Variants in RTP2 observed in about 807,000 individuals in gnomAD.
RTP2 encodes the protein receptor-transporting protein 2.
A neutral mutation model predicts 17.9 loss-of-function variants in RTP2; 12 were observed. That is an observed-to-expected ratio of 0.67 (90% CI 0.43 to 1.09). The LOEUF is 1.09. Among genes scored for constraint, RTP2 ranks in the 50% least tolerant of loss-of-function variants. The pLI is 0.00. For synonymous variants in RTP2, 126 were observed against 117.7 expected (o/e 1.07, Z -0.46); for missense variants, 327 against 295.7 (o/e 1.11, Z -0.78).
chr3:187,715,616 T>C, the RTP2 span: 1 of 456,198 alleles, frequency 2.2e-6, no homozygotes, highest in South Asian at 1.6e-5. Flanking sequence ...CTTTCCTTTA[T>C]GATAGAGTTG....
upstream of RTP2, among the ~76,000 whole-genome samples, chr3:187,705,993 A>C (rs1717982166): frequency 6.6e-6 from 1 of 152,252 alleles, no homozygotes; most frequent in African/African-American, 2.4e-5. Context: ...TAAACAGACC[A>C]CTTAGCTCTG....
upstream of RTP2, among the ~76,000 whole-genome samples, chr3:187,702,792 G>T (rs1717887729): frequency 6.6e-6 from 1 of 152,216 alleles, no homozygotes; most frequent in South Asian, 2.1e-4. Context: ...TAGTACTATT[G>T]TGCTCCTAAC....
chr3:187,710,342 C>A, the RTP2 span, among the ~76,000 whole-genome samples: 1 of 148,300 alleles, frequency 6.7e-6, no homozygotes, highest in South Asian at 2.1e-4. Context: ...ATCACATGAG[C>A]GAATTCCTCA....
exon 1 of RTP2, chr3:187,702,109 G>A (rs746439755): frequency 1.2e-5 from 20 of 1,611,390 alleles, no homozygotes; most frequent in Admixed American, 1.7e-5. Context: ...CCACTCACAA[G>A]TGGTCAAGCT....
chr3:187,698,813 G>A, exon 2 of RTP2: 1 of 1,613,230 alleles, frequency 6.2e-7, no homozygotes, highest in East Asian at 2.2e-5. Flanking sequence ...GGCTGGTGAT[G>A]AGGTTGTCCA....
chr3:187,698,371 T>C, exon 2 of RTP2: 1 of 761,844 alleles, frequency 1.3e-6, no homozygotes, highest in Non-Finnish European at 2.1e-6. Context: ...CGCAGATGCA[T>C]TAACTGAGGC....
chr3:187,707,219 G>A (rs1162828422), upstream of RTP2, among the ~76,000 whole-genome samples: 2 of 152,132 alleles, frequency 1.3e-5, no homozygotes, highest in African/African-American at 4.8e-5. Context: ...TTCCTTTTAT[G>A]AGCTACCCTC....
At chr3:187,710,173 A>C in the RTP2 span, among the ~76,000 whole-genome samples, 2 of 152,086 alleles carry the variant, frequency 1.3e-5, no homozygotes, top group East Asian at 3.9e-4. Flanking sequence ...TGAGACATTG[A>C]TCTCCTCCTG....
At position 187,699,012 on chromosome 3, in the gene RTP2, C is replaced by T. The variant is rs1361677236; in HGVS notation, c.165-1G>A. On this transcript the variant is annotated splice_acceptor_variant, in intron 1 of 1. Transcript: ENST00000358241. LOFTEE classifies it high-confidence loss of function. ...GTGCCAGCACCAGGAGCAGTGGAAC[C>T]TGCCGGGAGGAGAAGGAGGGGTGGA... 1 of 1,577,028 alleles carries T rather than the reference C, an allele frequency of 6.3e-7. No homozygotes were observed. The highest frequency in any genetic ancestry group is 1.7e-5 in the Admixed American group (1 of 58,468).
At chr3:187,706,483 A>C (rs2108544990), upstream of RTP2, among the ~76,000 whole-genome samples, 1 of 152,392 alleles carries the variant, frequency 6.6e-6, no homozygotes, top group South Asian at 2.1e-4. Context: ...TCCCTTGATT[A>C]GTGAAACAAG....
chr3:187,701,555 T>G (rs1717847585), intron 1 of RTP2, among the ~76,000 whole-genome samples: 1 of 152,170 alleles, frequency 6.6e-6, no homozygotes, highest in Non-Finnish European at 1.5e-5. Flanking sequence ...TCAAATTGGA[T>G]TAATTCACTA....
chr3:187,712,301 TA>T, the RTP2 span, among the ~76,000 whole-genome samples: 1 of 152,216 alleles, frequency 6.6e-6, no homozygotes, highest in Non-Finnish European at 1.5e-5. Context: ...CTATTTTTTG[TA>T]ACTTTTTGTG....
chr3:187,714,965 G>GA, the RTP2 span, among the ~76,000 whole-genome samples: 1,711 of 148,062 alleles, frequency 0.012, 11 homozygotes, highest in Middle Eastern at 0.018. Context: ...TGTACGTTAG[G>GA]AAAAAAAAAA....
chr3:187,715,685 C>G, the RTP2 span: 2 of 456,972 alleles, frequency 4.4e-6, no homozygotes, highest in Non-Finnish European at 8.8e-6. Flanking sequence ...GAGCAAGAAG[C>G]AGAATGTCTG....
chr3:187,700,871 C>T (rs181332951), intron 1 of RTP2, among the ~76,000 whole-genome samples: 3 of 152,272 alleles, frequency 2.0e-5, no homozygotes, highest in Admixed American at 2.0e-4. Flanking sequence ...CATGAATCAG[C>T]CAACCTCTGG....
chr3:187,701,118 A>G (rs1224608712), intron 1 of RTP2, among the ~76,000 whole-genome samples: 1 of 152,194 alleles, frequency 6.6e-6, no homozygotes, highest in East Asian at 1.9e-4. Flanking sequence ...CCAAGGACAC[A>G]GGAAAAAGGC....
At chr3:187,714,723 G>C in the RTP2 span, among the ~76,000 whole-genome samples, 3 of 152,256 alleles carry the variant, frequency 2.0e-5, no homozygotes, top group Non-Finnish European at 4.4e-5. Context: ...AGTTGTTCAG[G>C]CTGAAGAAAT....
At chr3:187,702,634 C>T (rs1717883880), upstream of RTP2, 1 of 455,284 alleles carries the variant, frequency 2.2e-6, no homozygotes, top group African/African-American at 2.0e-5. Context: ...GTGACCATCA[C>T]TTACCATGTG....
the RTP2 span, among the ~76,000 whole-genome samples, chr3:187,715,160 A>C: frequency 6.6e-6 from 1 of 152,150 alleles, no homozygotes. Context: ...GATTAAAATC[A>C]GTTTCTAAAT....
Sources: allele counts gnomAD v4.1 joint callset (sites outside exome capture counted in the v4.1 genomes callset), GRCh38; gene constraint gnomAD v4.1.1; transcripts MANE v1.5; gene names NCBI Gene and HGNC (gene_info 2026-07-23, HGNC 2026-07-21).